Variants in POU2AF1 observed in about 807,000 individuals in gnomAD.
POU2AF1 encodes the protein POU class 2 homeobox associating factor 1.
POU2AF1 carries 12 observed loss-of-function variants against 26.3 expected under a neutral mutation model. That is an observed-to-expected ratio of 0.46 (90% CI 0.29 to 0.74). POU2AF1 has a LOEUF of 0.74. Ranked by LOEUF, POU2AF1 falls within the 30% of genes least tolerant of loss-of-function variation. The pLI, the probability that POU2AF1 is intolerant of heterozygous loss-of-function variation, is 0.09. For synonymous variants in POU2AF1, 175 were observed against 148.0 expected (o/e 1.18, Z -1.32); for missense variants, 297 against 334.5 (o/e 0.89, Z 0.87).
intron 1 of POU2AF1, among the ~76,000 whole-genome samples, chr11:111,371,206 G>A (rs1379002699): frequency 6.6e-6 from 1 of 152,142 alleles, no homozygotes; most frequent in Non-Finnish European, 1.5e-5. Context: ...GTTTAAGACT[G>A]GTCAAATCCT....
chr11:111,372,221 G>C (rs1236908761), intron 1 of POU2AF1, among the ~76,000 whole-genome samples: 3 of 152,164 alleles, frequency 2.0e-5, no homozygotes, highest in Admixed American at 2.0e-4. Context: ...GCCCAGAAAA[G>C]AGTAGGGCTG....
intron 1 of POU2AF1, among the ~76,000 whole-genome samples, chr11:111,359,690 A>C (rs1312552211): frequency 6.6e-6 from 1 of 152,230 alleles, no homozygotes; most frequent in Non-Finnish European, 1.5e-5. Flanking sequence ...AAAAAAATTC[A>C]GTCTATTATG....
chr11:111,357,897 A>G (rs547300037), intron 2 of POU2AF1, 60 bp from the exon 3 acceptor site: 830 of 1,502,022 alleles, frequency 5.5e-4, no homozygotes, highest in Admixed American at 1.3e-3. Context: ...GGCCCTGTGC[A>G]GAGAACTTGC....
chr11:111,358,142 G>T (rs573238247), intron 2 of POU2AF1, among the ~76,000 whole-genome samples: 9 of 152,126 alleles, frequency 5.9e-5, no homozygotes, highest in African/African-American at 1.7e-4. Flanking sequence ...GCTGTGTTCG[G>T]TGGGCCAGCT....
intron 1 of POU2AF1, chr11:111,363,240 G>A (rs539795641): frequency 7.8e-6 from 8 of 1,019,952 alleles, no homozygotes; most frequent in South Asian, 9.3e-5. Context: ...TGCCCGGCAC[G>A]TGTCCACAGC....
intron 1 of POU2AF1, among the ~76,000 whole-genome samples, chr11:111,369,581 G>T (rs755347736): frequency 6.6e-6 from 1 of 152,208 alleles, no homozygotes; most frequent in African/African-American, 2.4e-5. Context: ...AGTGCCCATA[G>T]ATGGGAGTTT....
intron 1 of POU2AF1, chr11:111,364,231 A>C (rs944733345): frequency 1.3e-5 from 2 of 154,620 alleles, no homozygotes; most frequent in African/African-American, 4.8e-5. Flanking sequence ...TGAAAACTCA[A>C]GCAAACTGGT....
chr11:111,354,470 T>G lies in POU2AF1; in HGVS notation c.562A>C (p.Thr188Pro). 1.2e-6 allele frequency: 2 copies of G among 1,610,054 alleles called. No homozygotes were observed. Among genetic ancestry groups the G allele is most frequent in the South Asian group, 2.2e-5 (2 of 90,578 alleles). Residue 188 changes from threonine to proline, a missense_variant, in exon 5 of 5, where the codon ACC becomes CCC. By Grantham distance (38) the Thr-to-Pro change is conservative (BLOSUM62 -1). Transcript: ENST00000393067. ...GGAGGCTGGTACTGCAGGGTGGAGGTGGGTAGTGTGGAAAGGGGCTGAGGC... is the reference window on the plus strand; with the variant it reads ...GGAGGCTGGTACTGCAGGGTGGAGGGGGGTAGTGTGGAAAGGGGCTGAGGC... ...PWPQPLSTLP[T>P]STLQYQPPAP...
intron 1 of POU2AF1, among the ~76,000 whole-genome samples, chr11:111,359,640 G>C (rs796746331): frequency 5.3e-5 from 8 of 152,336 alleles, no homozygotes; most frequent in African/African-American, 1.9e-4. Flanking sequence ...TGGTAGAACA[G>C]TATATGCCTC....
chr11:111,369,731 G>T (rs1363116724), intron 1 of POU2AF1, among the ~76,000 whole-genome samples: 1 of 152,160 alleles, frequency 6.6e-6, no homozygotes, highest in Non-Finnish European at 1.5e-5. Flanking sequence ...GGTGAATGAG[G>T]AGAGTCCACC....
At chr11:111,358,352 T>TCTCA (rs1426606114) in intron 2 of POU2AF1, among the ~76,000 whole-genome samples, 3,978 of 113,282 alleles carry the variant, frequency 0.035, 97 homozygotes, top group Non-Finnish European at 0.047. Flanking sequence ...ACTCTCACAC[T>TCTCA]CACACTCTCA....
At chr11:111,369,957 T>C (rs551325596) in intron 1 of POU2AF1, among the ~76,000 whole-genome samples, 3 of 152,200 alleles carry the variant, frequency 2.0e-5, no homozygotes, top group Non-Finnish European at 2.9e-5. Context: ...ATTTTGGCTT[T>C]TCAAGACTAA....
At chr11:111,362,983 TG>T in intron 1 of POU2AF1, 1 of 288,046 alleles carries the variant, frequency 3.5e-6, no homozygotes, top group Non-Finnish European at 5.3e-6. Flanking sequence ...AGGGACCAGC[TG>T]GCCACTTCCA....
At chr11:111,358,372 A>ACACT (rs1271937661) in intron 2 of POU2AF1, among the ~76,000 whole-genome samples, 3 of 100,878 alleles carry the variant, frequency 3.0e-5, no homozygotes, top group Non-Finnish European at 4.6e-5. Flanking sequence ...ACACACTCAC[A>ACACT]CACTCTCTCA....
chr11:111,359,153 G>A, intron 1 of POU2AF1: 1 of 667,328 alleles, frequency 1.5e-6, no homozygotes. Flanking sequence ...GAATTGGACA[G>A]TCTTCAGAAT....
chr11:111,371,845 G>T (rs1478146107), intron 1 of POU2AF1, among the ~76,000 whole-genome samples: 2 of 151,962 alleles, frequency 1.3e-5, no homozygotes, highest in Admixed American at 6.6e-5. Flanking sequence ...GGAGGAAAAA[G>T]GACTTACCAG....
chr11:111,368,143 C>T (rs898296112), intron 1 of POU2AF1, among the ~76,000 whole-genome samples: 1 of 152,210 alleles, frequency 6.6e-6, no homozygotes, highest in Admixed American at 6.5e-5. Flanking sequence ...TGTGACAGAG[C>T]TGCATCTGCC....
chr11:111,357,832 C>A lies in POU2AF1; in HGVS notation c.153G>T (p.Val51=). The A allele has an allele frequency of 2.5e-6, 4 of 1,610,752 alleles. No individual in the cohort carries two copies. Among genetic ancestry groups the A allele is most frequent in the Non-Finnish European group, 2.5e-6 (3 of 1,178,758 alleles). The part of the protein sequence containing the change: ...SGAAPAPTAV[V]LPHQPLATYT... ...AGGTCGCCAGGGGCTGATGGGGCAGCACCACCTAGAGGGGAGAGGAGAAGA... is the reference window on the plus strand; with the variant it reads ...AGGTCGCCAGGGGCTGATGGGGCAGAACCACCTAGAGGGGAGAGGAGAAGA... The change falls in exon 3 of 5, where the codon GTG becomes GTT. Residue 51 remains valine, a synonymous_variant. Coordinates refer to ENST00000393067, the MANE Select transcript of POU2AF1 (RefSeq NM_006235.3).
chr11:111,369,113 G>A (rs1464076664), intron 1 of POU2AF1, among the ~76,000 whole-genome samples: 2 of 152,138 alleles, frequency 1.3e-5, no homozygotes, highest in Non-Finnish European at 2.9e-5. Context: ...TCCCCAGGCA[G>A]CAAGATACCC....
Sources: gnomAD v4.1 joint callset for allele counts (sites outside exome capture counted in the v4.1 genomes callset) on GRCh38, gnomAD v4.1.1 for gene constraint, MANE v1.5 for transcripts, NCBI Gene and HGNC (gene_info 2026-07-23, HGNC 2026-07-21) for gene names.